LYPLAL1: variants seen among roughly 807,000 people sequenced by gnomAD.
The protein encoded by LYPLAL1 is lysophospholipase-like protein 1.
In LYPLAL1, 23 loss-of-function variants were observed where a neutral mutation model predicts 19.7. The ratio of observed to expected loss-of-function variants is 1.17; its 90% CI spans 0.84 to 1.65. The LOEUF (loss-of-function observed/expected upper bound fraction) is 1.65, where lower values mean the gene tolerates loss of function less well. LYPLAL1 is among the 40% of genes most tolerant of loss of function. The pLI, the probability that LYPLAL1 is intolerant of heterozygous loss-of-function variation, is 0.00. For synonymous variants in LYPLAL1, 119 were observed against 96.3 expected (o/e 1.24, Z -1.38); for missense variants, 355 against 279.4 (o/e 1.27, Z -1.93).
the LYPLAL1 span, among the ~76,000 whole-genome samples, chr1:219,326,280 AG>A: frequency 7.4e-5 from 4 of 54,034 alleles, no homozygotes; most frequent in Admixed American, 6.2e-4. Flanking sequence ...TTAGTTCGTG[AG>A]GGTTTTTTGT....
At chr1:219,292,677 C>T in the LYPLAL1 span, among the ~76,000 whole-genome samples, 1 of 152,320 alleles carries the variant, frequency 6.6e-6, no homozygotes, top group South Asian at 2.1e-4. Context: ...AGGATATTCA[C>T]TGAACACTTT....
the LYPLAL1 span, among the ~76,000 whole-genome samples, chr1:219,402,002 A>G: frequency 2.0e-5 from 3 of 152,324 alleles, no homozygotes; most frequent in African/African-American, 7.2e-5. Flanking sequence ...CTCCTATTGC[A>G]TAGAGAGGCT....
the LYPLAL1 span, among the ~76,000 whole-genome samples, chr1:219,345,245 T>A: frequency 6.6e-6 from 1 of 152,224 alleles, no homozygotes; most frequent in African/African-American, 2.4e-5. Flanking sequence ...TAAACTCTCA[T>A]GAGAATTAAT....
chr1:219,199,693 C>T (rs1657923934), intron 3 of LYPLAL1, among the ~76,000 whole-genome samples: 1 of 150,718 alleles, frequency 6.6e-6, no homozygotes, highest in Admixed American at 6.6e-5. Flanking sequence ...TGGCTCACTG[C>T]AAGCTCCGCC....
At chr1:219,301,834 T>A in the LYPLAL1 span, among the ~76,000 whole-genome samples, 1 of 152,334 alleles carries the variant, frequency 6.6e-6, no homozygotes, top group East Asian at 1.9e-4. Flanking sequence ...TTTAAATGCC[T>A]CTCTTTTTTA....
chr1:219,212,694 TATC>T lies in LYPLAL1; in HGVS notation c.*969_*971del, dbSNP rs1450358072. 5 of 152,064 alleles carry T rather than the reference TATC, an allele frequency of 3.3e-5. No individual in the cohort carries two copies. Among genetic ancestry groups the T allele is most frequent in the African/African-American group, 7.2e-5 (3 of 41,434 alleles). 9.4% of individuals were successfully genotyped at this position (152,064 alleles called of 1,614,324 possible). A position where few individuals can be genotyped will look rare whatever the true frequency, so the allele number is the denominator to read the frequency against. Reference sequence around the variant, plus strand: ...CCTGCCTGCTTTCATTCAACAAAATTATCATGAGATTTTTCCATGTTGTGTACA... The same window carrying T: ...CCTGCCTGCTTTCATTCAACAAAATTATGAGATTTTTCCATGTTGTGTACA... On this transcript the variant is annotated 3_prime_UTR_variant, in exon 5 of 5. Transcript: ENST00000366928.
the LYPLAL1 span, among the ~76,000 whole-genome samples, chr1:219,408,779 A>G: frequency 6.6e-6 from 1 of 152,154 alleles, no homozygotes; most frequent in Non-Finnish European, 1.5e-5. Context: ...GTGTGGACAA[A>G]TAGGTGGTTG....
chr1:219,236,657 A>T, the LYPLAL1 span, among the ~76,000 whole-genome samples: 2 of 152,156 alleles, frequency 1.3e-5, no homozygotes, highest in African/African-American at 4.8e-5. Context: ...TGACAGTGTA[A>T]AGTATCAAAA....
At chr1:219,286,808 G>T in the LYPLAL1 span, among the ~76,000 whole-genome samples, 1 of 152,178 alleles carries the variant, frequency 6.6e-6, no homozygotes, top group Non-Finnish European at 1.5e-5. Flanking sequence ...CCTCTGTATG[G>T]TGACAGTTGC....
chr1:219,438,069 A>G, the LYPLAL1 span, among the ~76,000 whole-genome samples: 10 of 152,232 alleles, frequency 6.6e-5, no homozygotes, highest in South Asian at 2.1e-3. Flanking sequence ...ACCCAGCCCT[A>G]TTTGTCTTTT....
At chr1:219,374,983 CCT>C in the LYPLAL1 span, among the ~76,000 whole-genome samples, 1 of 152,204 alleles carries the variant, frequency 6.6e-6, no homozygotes, top group South Asian at 2.1e-4. Context: ...TACAATTAAA[CCT>C]CTTTCTTTGC....
At chr1:219,365,465 G>C in the LYPLAL1 span, among the ~76,000 whole-genome samples, 1 of 152,088 alleles carries the variant, frequency 6.6e-6, no homozygotes, top group South Asian at 2.1e-4. Context: ...CCAAAGGAAG[G>C]CTTCAAACAA....
At chr1:219,174,918 G>A in intron 1 of LYPLAL1, 1 of 985,462 alleles carries the variant, frequency 1.0e-6, no homozygotes, top group Non-Finnish European at 1.2e-6. Context: ...TTCCTGCCAA[G>A]TGAATTGTAA....
the LYPLAL1 span, among the ~76,000 whole-genome samples, chr1:219,357,879 G>A: frequency 6.6e-6 from 1 of 152,144 alleles, no homozygotes; most frequent in Admixed American, 6.6e-5. Context: ...ATCAAACCAA[G>A]CAAAGACATG....
the LYPLAL1 span, among the ~76,000 whole-genome samples, chr1:219,257,584 G>T: frequency 6.6e-6 from 1 of 151,942 alleles, no homozygotes; most frequent in Non-Finnish European, 1.5e-5. Context: ...TTTATTAGGG[G>T]TTTTAAAAGG....
At chr1:219,305,186 A>C in the LYPLAL1 span, among the ~76,000 whole-genome samples, 1 of 152,194 alleles carries the variant, frequency 6.6e-6, no homozygotes, top group Admixed American at 6.5e-5. Flanking sequence ...TGAAAGGTAC[A>C]AGCCTTATAA....
the LYPLAL1 span, among the ~76,000 whole-genome samples, chr1:219,235,899 G>A: frequency 9.9e-5 from 15 of 152,174 alleles, no homozygotes; most frequent in East Asian, 2.7e-3. Flanking sequence ...TTCTGAGGTC[G>A]GGCATTTGTT....
the LYPLAL1 span, among the ~76,000 whole-genome samples, chr1:219,384,416 C>T: frequency 0.033 from 4,999 of 152,224 alleles, 270 homozygotes; most frequent in African/African-American, 0.11. Context: ...TTGAATGATA[C>T]CTCTGTTGGC....
chr1:219,353,974 A>G, the LYPLAL1 span, among the ~76,000 whole-genome samples: 1 of 152,226 alleles, frequency 6.6e-6, no homozygotes, highest in Non-Finnish European at 1.5e-5. Context: ...GAAATTTAGA[A>G]CAATCACTGT....
Sources: allele counts gnomAD v4.1 joint callset (sites outside exome capture counted in the v4.1 genomes callset), GRCh38; gene constraint gnomAD v4.1.1; transcripts MANE v1.5; gene names NCBI Gene and HGNC (gene_info 2026-07-23, HGNC 2026-07-21).